Variants in CA10 observed in about 807,000 individuals in gnomAD.
The protein encoded by CA10 is carbonic anhydrase 10 (inactive).
Under a neutral mutation model 44.2 loss-of-function variants are expected in CA10, and 14 were observed. The ratio of observed to expected loss-of-function variants is 0.32; its 90% CI spans 0.21 to 0.50. The LOEUF (loss-of-function observed/expected upper bound fraction) is 0.50. Ranked by LOEUF, CA10 falls within the 20% of genes least tolerant of loss-of-function variation. The pLI, the probability that CA10 is intolerant of heterozygous loss-of-function variation, is 0.99. For missense variants in CA10, 350 were observed against 409.7 expected (o/e 0.85, Z 1.26); for synonymous variants, 159 against 141.6 (o/e 1.12, Z -0.87).
At chr17:51,898,187 A>G (rs1166112739) in intron 3 of CA10, among the ~76,000 whole-genome samples, 2 of 152,174 alleles carry the variant, frequency 1.3e-5, no homozygotes, top group Non-Finnish European at 2.9e-5. Flanking sequence ...TTTCAGTACG[A>G]TGTTGGCTGT....
chr17:52,113,875 A>G (rs894432306), intron 1 of CA10, among the ~76,000 whole-genome samples: 3 of 152,228 alleles, frequency 2.0e-5, no homozygotes, highest in African/African-American at 4.8e-5. Context: ...TAACAACTTC[A>G]GCTGTAATGT....
intron 6 of CA10, among the ~76,000 whole-genome samples, chr17:51,644,768 T>C (rs1913249073): frequency 6.6e-6 from 1 of 151,580 alleles, no homozygotes; most frequent in African/African-American, 2.4e-5. Context: ...AAACATCAGA[T>C]ATATTATCAG....
chr17:52,034,427 A>C (rs1488520076), intron 2 of CA10, among the ~76,000 whole-genome samples: 1 of 152,224 alleles, frequency 6.6e-6, no homozygotes, highest in Non-Finnish European at 1.5e-5. Context: ...TCTAGGTAGA[A>C]AAGTAAAGAA....
chr17:51,998,934 T>C (rs1435409482), intron 2 of CA10, among the ~76,000 whole-genome samples: 1 of 151,992 alleles, frequency 6.6e-6, no homozygotes, highest in Non-Finnish European at 1.5e-5. Context: ...GGTTCCAAAT[T>C]AGTCTCGTGA....
intron 6 of CA10, among the ~76,000 whole-genome samples, chr17:51,644,220 C>G (rs545507600): frequency 6.6e-6 from 1 of 151,790 alleles, no homozygotes; most frequent in Non-Finnish European, 1.5e-5. Context: ...TCCTACAAAC[C>G]GGGCAAATGG....
At chr17:51,643,685 C>T (rs769413058) in intron 6 of CA10, among the ~76,000 whole-genome samples, 2 of 152,222 alleles carry the variant, frequency 1.3e-5, no homozygotes, top group Admixed American at 1.3e-4. Context: ...TCTGTTGACT[C>T]TGTGTCCTGT....
chr17:51,792,098 G>C lies in CA10; in HGVS notation c.280-44280C>G, dbSNP rs76497167. Among the ~76,000 whole-genome samples, 273 of 152,252 alleles carry C rather than the reference G, an allele frequency of 1.8e-3. 1 individual carries two copies. The highest frequency in any genetic ancestry group is 6.3e-3 in the African/African-American group (263 of 41,530). ...TATATTGTGTCTACTCCAAGTTCAG[G>C]TATTATGCCAGATGCTTTATAGCTA... On this transcript the variant is annotated intron_variant, in intron 3 of 8. Coordinates refer to ENST00000451037, the MANE Select transcript of CA10 (RefSeq NM_020178.5).
intron 1 of CA10, among the ~76,000 whole-genome samples, chr17:52,132,853 G>C (rs539108292): frequency 6.6e-6 from 1 of 152,122 alleles, no homozygotes; most frequent in Non-Finnish European, 1.5e-5. Flanking sequence ...CCAGACACAG[G>C]TGACATCTCG....
Position 51,802,071 on chromosome 17 carries a change from G to T in CA10, c.280-54253C>A, listed in dbSNP as rs554943299. ...GGGTTCCAAGTGGTGGAAAGTGACT[G>T]CTTGGCATACCCTGTGAATGATTCT... On this transcript the variant is annotated intron_variant, in intron 3 of 8. Coordinates refer to ENST00000451037, the MANE Select transcript of CA10 (RefSeq NM_020178.5). Among the ~76,000 whole-genome samples the T allele has an allele frequency of 2.0e-5, 3 of 152,306 alleles. No individual in the cohort carries two copies. In the South Asian group the frequency reaches 6.2e-4, roughly 32 times the overall value.
chr17:51,956,146 C>A lies in CA10; in HGVS notation c.137-25014G>T, dbSNP rs111494278. Among the ~76,000 whole-genome samples the A allele has an allele frequency of 3.2e-3, 459 of 143,062 alleles. 1 individual carries two copies. The highest frequency in any genetic ancestry group is 0.011 in the African/African-American group (440 of 38,466). The allele number at this position is 143,062 out of a possible 152,430, so 93.9% of individuals were successfully genotyped here. ...TACTCATTTTCCATCTTTATCAAATCTCAACATTCTGCCATTTGATTCAGA... is the reference window on the plus strand; with the variant it reads ...TACTCATTTTCCATCTTTATCAAATATCAACATTCTGCCATTTGATTCAGA... On this transcript the variant is annotated intron_variant, in intron 2 of 8. Transcript: ENST00000451037.
intron 3 of CA10, among the ~76,000 whole-genome samples, chr17:51,846,546 A>G (rs1978501821): frequency 6.6e-6 from 1 of 152,262 alleles, no homozygotes; most frequent in Admixed American, 6.5e-5. Flanking sequence ...TCACAAGTGA[A>G]GACACTGAGG....
At chr17:51,941,609 G>T (rs1448083414) in intron 2 of CA10, among the ~76,000 whole-genome samples, 3 of 152,064 alleles carry the variant, frequency 2.0e-5, no homozygotes, top group African/African-American at 7.2e-5. Context: ...GATGCCTCTG[G>T]ATAATCACAT....
chr17:51,945,756 C>T (rs1983249447), intron 2 of CA10, among the ~76,000 whole-genome samples: 1 of 152,134 alleles, frequency 6.6e-6, no homozygotes, highest in Non-Finnish European at 1.5e-5. Flanking sequence ...CCTCGACTCC[C>T]TTATCAGGTA....
chr17:51,868,963 A>G (rs1462115876), intron 3 of CA10, among the ~76,000 whole-genome samples: 1 of 151,966 alleles, frequency 6.6e-6, no homozygotes, highest in Non-Finnish European at 1.5e-5. Context: ...GAAAATCAAG[A>G]TAATGTCTAA....
intron 3 of CA10, among the ~76,000 whole-genome samples, chr17:51,796,568 T>C (rs1468010188): frequency 6.6e-6 from 1 of 152,110 alleles, no homozygotes; most frequent in Admixed American, 6.5e-5. Context: ...GTAATTTGAG[T>C]AAAACTCATG....
intron 3 of CA10, among the ~76,000 whole-genome samples, chr17:51,886,444 G>A (rs1034085477): frequency 2.6e-5 from 4 of 152,120 alleles, no homozygotes. Flanking sequence ...AAGATGCCCT[G>A]GAATCAGATC....
At position 51,946,800 on chromosome 17, in the gene CA10, G is replaced by A. The variant is rs562032137; in HGVS notation, c.137-15668C>T. On this transcript the variant is annotated intron_variant, in intron 2 of 8. Transcript: ENST00000451037. ...ACAATAGCAGAAAGCATGTTTTTGC[G>A]TCTTAATAATCCTTGTAGCTTATAG... Among the ~76,000 whole-genome samples, 65 of 152,218 alleles carry A rather than the reference G, an allele frequency of 4.3e-4. 1 individual carries two copies. The highest frequency in any genetic ancestry group is 1.9e-4 in the Non-Finnish European group (13 of 67,988).
chr17:52,092,159 T>C (rs1389656524), intron 1 of CA10, among the ~76,000 whole-genome samples: 1 of 152,158 alleles, frequency 6.6e-6, no homozygotes, highest in Non-Finnish European at 1.5e-5. Flanking sequence ...TCTATGAGTG[T>C]CTGTTTGTAT....
Position 51,831,721 on chromosome 17 carries a change from CAGCAGCAGCAGA to C in CA10, c.280-83915_280-83904del, listed in dbSNP as rs1207618231. ...GCAGCAGCAGCAGCAGCAGCAGCAG[CAGCAGCAGCAGA>C]AAAAGACCTTCCTTCCACCTTATTT... On this transcript the variant is annotated intron_variant, in intron 3 of 8. Coordinates refer to ENST00000451037, the MANE Select transcript of CA10 (RefSeq NM_020178.5). 3.2e-4 allele frequency among the ~76,000 whole-genome samples: 35 copies of C among 108,830 alleles called. 2 individuals are homozygous for C. Among genetic ancestry groups the C allele is most frequent in the African/African-American group, 8.2e-4 (25 of 30,626 alleles). The allele number at this position is 108,830 out of a possible 152,430, so 71.4% of individuals were successfully genotyped here.
Sources: gnomAD v4.1 joint callset for allele counts (sites outside exome capture counted in the v4.1 genomes callset) on GRCh38, gnomAD v4.1.1 for gene constraint, MANE v1.5 for transcripts, NCBI Gene and HGNC (gene_info 2026-07-23, HGNC 2026-07-21) for gene names.